The following SCN2A variants were observed in gnomAD, a reference collection of about 807,000 sequenced individuals.
The protein encoded by SCN2A is sodium channel protein type 2 subunit alpha.
Under a neutral mutation model 188.7 loss-of-function variants are expected in SCN2A, and 20 were observed. The ratio of observed to expected loss-of-function variants is 0.11; its 90% CI spans 0.07 to 0.15. SCN2A has a LOEUF of 0.15. Ranked by LOEUF, SCN2A falls within the 10% of genes least tolerant of loss-of-function variation. SCN2A has a pLI of 1.00. For synonymous variants in SCN2A, 804 were observed against 833.1 expected, an observed-to-expected ratio of 0.97 and a Z score of 0.60; for missense variants, 1,278 against 2,445.0, an observed-to-expected ratio of 0.52 and a Z score of 10.07.
intron 5 of SCN2A, 55 bp downstream of exon 5, chr2:165,308,849 T>C: frequency 1.2e-6 from 2 of 1,604,578 alleles, no homozygotes; most frequent in Non-Finnish European, 1.7e-6. Flanking sequence ...GGTGGGAGCC[T>C]ATACTATATT....
chr2:165,248,291 T>C (rs1273446239), intron 1 of SCN2A, among the ~76,000 whole-genome samples: 2 of 152,300 alleles, frequency 1.3e-5, no homozygotes, highest in Admixed American at 1.3e-4. Flanking sequence ...AAAAAGTCTC[T>C]ATTTAGCCTG....
rs761947985 is a variant in SCN2A at position 165,389,704 on chromosome 2, G to A, written c.5898G>A (p.Thr1966=). The A allele has an allele frequency of 4.3e-6, 7 of 1,613,704 alleles. No homozygotes were observed. The highest frequency in any genetic ancestry group is 1.7e-5 in the Admixed American group (1 of 59,950). Residue 1966 remains threonine, a synonymous_variant, in exon 27 of 27, where the codon ACG becomes ACA. Coordinates refer to ENST00000375437, the MANE Select transcript of SCN2A (RefSeq NM_001040142.2). The surrounding 1 kb of genome is among the most constrained non-coding windows in gnomAD (Gnocchi z 4.2). ...ENSTPEKTDM[T]PSTTSPPSYD... ...CAACTCCAGAGAAAACCGATATGAC[G>A]CCTTCCACCACGTCTCCACCCTCGT...
chr2:165,367,204 C>T lies in SCN2A; in HGVS notation c.3521-13C>T, dbSNP rs1190024833. 8.7e-6 allele frequency: 14 copies of T among 1,613,404 alleles called. No homozygotes were observed. The African/African-American group carries it at 1.9e-4, about 22-fold the overall frequency. ...GTAATTTTTTGTCTTCATTTTTTTCCCACATATTTTAGACTGTGTACGGAA... is the reference window on the plus strand; with the variant it reads ...GTAATTTTTTGTCTTCATTTTTTTCTCACATATTTTAGACTGTGTACGGAA... On this transcript the variant is annotated splice_polypyrimidine_tract_variant and intron_variant, in intron 18 of 26. Coordinates refer to ENST00000375437, the MANE Select transcript of SCN2A (RefSeq NM_001040142.2).
rs2105403057 is a variant in SCN2A, at chr2:165,389,209, T to C, written c.5403T>C (p.Val1801=). 3.1e-6 allele frequency: 5 copies of C among 1,614,010 alleles called. No homozygotes were observed. Among genetic ancestry groups the C allele is most frequent in the East Asian group, 2.2e-5 (1 of 44,860 alleles). ...SEDDFEMFYE[V]WEKFDPDATQ... ...ATGACTTTGAGATGTTCTATGAGGTTTGGGAGAAGTTTGATCCCGATGCGA... is the reference window on the plus strand; with the variant it reads ...ATGACTTTGAGATGTTCTATGAGGTCTGGGAGAAGTTTGATCCCGATGCGA... The change falls in exon 27 of 27, where the codon GTT becomes GTC. Residue 1801 remains valine (V), a synonymous_variant. Transcript: ENST00000375437. The surrounding 1 kb of genome is among the most constrained non-coding windows in gnomAD (Gnocchi z 4.2).
rs537174094 is a variant in SCN2A at position 165,322,783 on chromosome 2, T to C, written c.1672-373T>C. 7.2e-5 allele frequency among the ~76,000 whole-genome samples: 11 copies of C among 152,290 alleles called. No homozygotes were observed. In the East Asian group the frequency reaches 2.1e-3, roughly 29 times the overall value. On this transcript the variant is annotated intron_variant, in intron 11 of 26. Coordinates refer to ENST00000375437, the MANE Select transcript of SCN2A (RefSeq NM_001040142.2). Reference sequence around the variant, plus strand: ...TAGATTTGTGTTTAATTGTTTTCCATTGGGTTGTTAACTGAAATTAACTTC... The same window carrying C: ...TAGATTTGTGTTTAATTGTTTTCCACTGGGTTGTTAACTGAAATTAACTTC...
At chr2:165,333,401 G>T (rs1698807175) in intron 14 of SCN2A, among the ~76,000 whole-genome samples, 1 of 151,272 alleles carries the variant, frequency 6.6e-6, no homozygotes. Context: ...TATAGGTTAG[G>T]TCATAAAACA....
intron 14 of SCN2A, among the ~76,000 whole-genome samples, chr2:165,333,890 A>G (rs1698836600): frequency 6.6e-6 from 1 of 151,454 alleles, no homozygotes; most frequent in African/African-American, 2.4e-5. Flanking sequence ...ACCAAGAAAA[A>G]AAGAGGAAAG....
intron 1 of SCN2A, chr2:165,267,860 A>C (rs748666363): frequency 6.6e-6 from 1 of 152,018 alleles, no homozygotes; most frequent in Non-Finnish European, 1.5e-5. Flanking sequence ...TCCCAATATC[A>C]CTAATCATCA....
In SCN2A at chr2:165,374,981, T is replaced by C. The variant is rs762756862; in HGVS notation, c.4254+15T>C. The C allele has an allele frequency of 6.8e-6, 11 of 1,608,172 alleles. No individual in the cohort carries two copies. The Middle Eastern group carries it at 8.3e-4, about 121-fold the overall frequency. ...TACTTCAAGTAGTAAGTAATCACTT[T>C]ATTATTTTCCATGATGTGTAATTAA... On this transcript the variant is annotated intron_variant, in intron 22 of 26. Coordinates refer to ENST00000375437, the MANE Select transcript of SCN2A (RefSeq NM_001040142.2).
In SCN2A at chr2:165,354,483, G is replaced by A. The variant is rs1553584033; in HGVS notation, c.3211G>A (p.Gly1071Arg). 3.7e-6 allele frequency: 6 copies of A among 1,614,012 alleles called. No homozygotes were observed. The highest frequency in any genetic ancestry group is 1.7e-5 in the Admixed American group (1 of 60,004). Residue 1071 changes from glycine (G) to arginine (R), a missense_variant, in exon 17 of 27, where the codon GGA (glycine) becomes AGA (arginine). Gly to Arg is a moderately radical substitution (Grantham distance 125, BLOSUM62 -2). This residue lies in a region of SCN2A where 228 missense variants were observed against 297.3 expected (regional missense o/e 0.77). Coordinates refer to ENST00000375437, the MANE Select transcript of SCN2A (RefSeq NM_001040142.2). ...CAAAGACCTCAATTATCTCAAAGAC[G>A]GAAATGGAACTACTAGTGGCATAGG... is the stretch of plus-strand genomic sequence containing the variant. ...IGKDLNYLKD[G>R]NGTTSGIGSS...
At chr2:165,284,159 T>A (rs1451685312) in intron 1 of SCN2A, among the ~76,000 whole-genome samples, 8 of 151,972 alleles carry the variant, frequency 5.3e-5, no homozygotes, top group Non-Finnish European at 1.2e-4. Flanking sequence ...TGTTTTATTA[T>A]TATTTAATTT....
intron 20 of SCN2A, chr2:165,372,292 C>G (rs1701077851): frequency 6.6e-6 from 1 of 152,046 alleles, no homozygotes; most frequent in Non-Finnish European, 1.5e-5. Context: ...ATTGCATGTG[C>G]AAAATTATTT....
intron 16 of SCN2A, among the ~76,000 whole-genome samples, chr2:165,350,092 C>T (rs181556833): frequency 2.8e-4 from 43 of 152,240 alleles, no homozygotes; most frequent in African/African-American, 9.9e-4. Context: ...TTTCCAGACA[C>T]GATGGCAAGA....
chr2:165,370,043 C>A, intron 19 of SCN2A, 83 bp from the exon 20 acceptor site: 2 of 1,224,758 alleles, frequency 1.6e-6, no homozygotes, highest in South Asian at 1.3e-5. Flanking sequence ...CTGATAAGAG[C>A]TTGCATCGTT....
At chr2:165,307,688 C>G (rs996722066) in intron 3 of SCN2A, among the ~76,000 whole-genome samples, 160 bp from the exon 4 acceptor site, 2 of 147,310 alleles carry the variant, frequency 1.4e-5, no homozygotes, top group African/African-American at 4.9e-5. Flanking sequence ...TATGAGGTTG[C>G]TGAGTTATAG....
intron 10 of SCN2A, among the ~76,000 whole-genome samples, chr2:165,315,099 G>A (rs927844584): frequency 6.6e-6 from 1 of 152,034 alleles, no homozygotes; most frequent in Non-Finnish European, 1.5e-5. Flanking sequence ...GGAATCAAAG[G>A]CAAATGTCTA....
Position 165,309,341 on chromosome 2 carries a change from C to G in SCN2A, c.606-11C>G. 2 of 1,613,574 alleles carry G rather than the reference C, an allele frequency of 1.2e-6. No homozygotes were observed. Among genetic ancestry groups the G allele is most frequent in the East Asian group, 2.2e-5 (1 of 44,870 alleles). ...CTGTCATTGTGTTTGTGTGTGAACC[C>G]CCTATTACAGATATGTGACAGAGTT... On this transcript the variant is annotated splice_polypyrimidine_tract_variant and intron_variant, in intron 5 of 26. Coordinates refer to ENST00000375437, the MANE Select transcript of SCN2A (RefSeq NM_001040142.2).
chr2:165,355,897 G>A (rs754325834), intron 17 of SCN2A, among the ~76,000 whole-genome samples: 53 of 151,704 alleles, frequency 3.5e-4, no homozygotes, highest in Non-Finnish European at 4.1e-4. Context: ...TACTCGGGAG[G>A]CTGAGGCAAG....
chr2:165,295,831 A>G lies in SCN2A; in HGVS notation c.8A>G (p.Gln3Arg), dbSNP rs1181276453. 1.2e-6 allele frequency: 2 copies of G among 1,614,028 alleles called. No homozygotes were observed. The highest frequency in any genetic ancestry group is 2.7e-5 in the African/African-American group (2 of 74,928). The change falls in exon 2 of 27, where the codon CAG becomes CGG. Residue 3 changes from glutamine to arginine, a missense_variant. By Grantham distance (43) the Gln-to-Arg change is conservative (BLOSUM62 1). Transcript: ENST00000375437. MA[Q>R]SVLVPPGPDS... is the part of the protein sequence containing the mutation. The stretch of plus-strand genomic sequence containing the variant: ...AAGGAGCAGGATGAAAAGATGGCAC[A>G]GTCAGTGCTGGTACCGCCAGGACCT...
Sources: allele counts gnomAD v4.1 joint callset (sites outside exome capture counted in the v4.1 genomes callset), GRCh38; gene constraint gnomAD v4.1.1; regional missense constraint gnomAD v4.1.1; non-coding constraint Gnocchi (gnomAD v3.1); transcripts MANE v1.5; gene names NCBI Gene and HGNC (gene_info 2026-07-23, HGNC 2026-07-21).